Variants in KIAA0513 observed in about 807,000 individuals in gnomAD.
The protein encoded by KIAA0513 is KIAA0513, also known as uncharacterized protein KIAA0513.
Under a neutral mutation model 56.5 loss-of-function variants are expected in KIAA0513, and 39 were observed. That is an observed-to-expected ratio of 0.69 (90% confidence interval 0.53 to 0.90). KIAA0513 has a LOEUF of 0.90. Among genes scored for constraint, KIAA0513 ranks in the 40% least tolerant of loss-of-function variants. The pLI is 0.00. For synonymous variants in KIAA0513, 268 were observed against 215.6 expected, an observed-to-expected ratio of 1.24 and a Z score of -2.13; for missense variants, 591 against 535.2, an observed-to-expected ratio of 1.10 and a Z score of -1.03.
intron 1 of KIAA0513, among the ~76,000 whole-genome samples, chr16:85,042,065 T>C (rs2073110564): frequency 6.6e-6 from 1 of 152,194 alleles, no homozygotes; most frequent in Non-Finnish European, 1.5e-5. Context: ...AAGTCTAGAA[T>C]TAATTAGTGC....
At chr16:85,060,951 C>G (rs147154565) in intron 1 of KIAA0513, among the ~76,000 whole-genome samples, 2,538 of 151,760 alleles carry the variant, frequency 0.017, 33 homozygotes, top group Non-Finnish European at 0.027. Flanking sequence ...GTCAGGAGTT[C>G]GAGACCAACC....
chr16:85,043,492 A>G (rs947530776), intron 1 of KIAA0513, among the ~76,000 whole-genome samples: 12 of 146,290 alleles, frequency 8.2e-5, no homozygotes, highest in African/African-American at 3.1e-4. Flanking sequence ...GCTCACTGCA[A>G]CCTCTGCCTC....
chr16:85,053,051 C>T (rs1021293930), intron 1 of KIAA0513, among the ~76,000 whole-genome samples: 2 of 152,082 alleles, frequency 1.3e-5, no homozygotes, highest in South Asian at 2.1e-4. Flanking sequence ...CCACACCCAG[C>T]GAATTTTTGT....
intron 1 of KIAA0513, among the ~76,000 whole-genome samples, chr16:85,046,170 G>A (rs72803571): frequency 0.033 from 5,032 of 152,276 alleles, 111 homozygotes; most frequent in Non-Finnish European, 0.052. Context: ...TCAACTCTTT[G>A]GGGCTGTCTC....
At chr16:85,055,585 G>T (rs777807492) in intron 1 of KIAA0513, among the ~76,000 whole-genome samples, 1 of 152,140 alleles carries the variant, frequency 6.6e-6, no homozygotes, top group Admixed American at 6.6e-5. Flanking sequence ...TCTGGCACCA[G>T]CTCTTGACCT....
rs375519850 is a variant in KIAA0513 at position 85,081,272 on chromosome 16, C to A, written c.903-43C>A. On this transcript the variant is annotated intron_variant, in intron 8 of 12. Transcript: ENST00000683363. The surrounding 1 kb of genome is among the most constrained non-coding windows in gnomAD (Gnocchi z 4.4). ...AGGGGCCCACAACCCGTGTCCTCCC[C>A]GCCTCCCCTTGGAGAGAGTGTGACT... 1.3e-6 allele frequency: 2 copies of A among 1,588,726 alleles called. No individual in the cohort carries two copies. The highest frequency in any genetic ancestry group is 4.5e-5 in the East Asian group (2 of 44,754).
In KIAA0513 at chr16:85,039,775, A is replaced by G. The variant is rs185988625; in HGVS notation, c.-173+11917A>G. ...GGTGTGAGCCACCACTGCTGGCATG[A>G]TTACTCTTTATTGGGTTTGGTTTTT... On this transcript the variant is annotated intron_variant, in intron 1 of 12. Transcript: ENST00000683363. Among the ~76,000 whole-genome samples, 531 of 151,754 alleles carry G rather than the reference A, an allele frequency of 3.5e-3. 2 individuals are homozygous for G. The highest frequency in any genetic ancestry group is 0.012 in the African/African-American group (506 of 41,376).
intron 1 of KIAA0513, among the ~76,000 whole-genome samples, chr16:85,059,664 G>T (rs72658738): frequency 0.084 from 12,811 of 152,188 alleles, 1,741 homozygotes; most frequent in African/African-American, 0.28. Context: ...GAATGAAATG[G>T]TTTTGTGTAG....
intron 1 of KIAA0513, among the ~76,000 whole-genome samples, chr16:85,047,098 C>A (rs947778514): frequency 6.6e-6 from 1 of 152,198 alleles, no homozygotes; most frequent in South Asian, 2.1e-4. Context: ...GCAGGCACTC[C>A]ACCAGCTTGG....
intron 1 of KIAA0513, among the ~76,000 whole-genome samples, chr16:85,042,443 C>A (rs926610778): frequency 6.6e-6 from 1 of 152,164 alleles, no homozygotes; most frequent in Admixed American, 6.5e-5. Flanking sequence ...GGGCAGGGTC[C>A]TTGTCCATAC....
At chr16:85,058,139 C>A (rs1029301912) in intron 1 of KIAA0513, among the ~76,000 whole-genome samples, 4 of 152,164 alleles carry the variant, frequency 2.6e-5, no homozygotes, top group Non-Finnish European at 4.4e-5. Flanking sequence ...AGGCCCTCTT[C>A]AGAGAATTCA....
chr16:85,055,028 TC>T (rs2073308853), intron 1 of KIAA0513, among the ~76,000 whole-genome samples: 1 of 151,918 alleles, frequency 6.6e-6, no homozygotes, highest in South Asian at 2.1e-4. Flanking sequence ...ACTCAAGCAG[TC>T]CTCCCACCTC....
chr16:85,059,229 CAAGCTAGT>C (rs2073370262), intron 1 of KIAA0513, among the ~76,000 whole-genome samples: 1 of 144,484 alleles, frequency 6.9e-6, no homozygotes, highest in Admixed American at 6.6e-5. Flanking sequence ...TGAACTGCTT[CAAGCTAGT>C]AATGTGCGTC....
chr16:85,049,041 C>T (rs1382345786), intron 1 of KIAA0513, among the ~76,000 whole-genome samples: 9 of 152,228 alleles, frequency 5.9e-5, no homozygotes, highest in South Asian at 4.1e-4. Flanking sequence ...GACACCAACA[C>T]CGAGTGCTTC....
chr16:85,051,783 C>T (rs935164566), intron 1 of KIAA0513, among the ~76,000 whole-genome samples: 5 of 150,572 alleles, frequency 3.3e-5, no homozygotes, highest in African/African-American at 4.9e-5. Flanking sequence ...TTTGGATGCT[C>T]TCCAGGTTCT....
At position 85,056,819 on chromosome 16, in the gene KIAA0513, C is replaced by A. The variant is rs192457523; in HGVS notation, c.-172-10081C>A. Among the ~76,000 whole-genome samples, 4 of 152,282 alleles carry A rather than the reference C, an allele frequency of 2.6e-5. No homozygotes were observed. In the East Asian group the frequency reaches 7.7e-4, roughly 29 times the overall value. ...GGGTCAAGGAATCCTCATGCCTCAG[C>A]CTCCCAGACAGCTGGGTACTATAGG... On this transcript the variant is annotated intron_variant, in intron 1 of 12. Transcript: ENST00000683363.
chr16:85,028,591 G>C (rs1174972126), intron 1 of KIAA0513, among the ~76,000 whole-genome samples: 1 of 152,160 alleles, frequency 6.6e-6, no homozygotes, highest in Non-Finnish European at 1.5e-5. Context: ...GGACAGAATT[G>C]AGTGTTCTGG....
intron 12 of KIAA0513, 52 bp from the exon 13 acceptor site, chr16:85,088,224 C>G: frequency 6.5e-7 from 1 of 1,548,586 alleles, no homozygotes; most frequent in Non-Finnish European, 8.9e-7. Context: ...CAGGATATAC[C>G]TGTCCCTGTC....
At chr16:85,085,725 A>G (rs1420131554) in intron 10 of KIAA0513, among the ~76,000 whole-genome samples, 3 of 152,214 alleles carry the variant, frequency 2.0e-5, no homozygotes, top group Non-Finnish European at 2.9e-5. Flanking sequence ...TGCCCTGGAC[A>G]GGTGAGGGAT....
Sources: gnomAD v4.1 joint callset for allele counts (sites outside exome capture counted in the v4.1 genomes callset) on GRCh38, gnomAD v4.1.1 for gene constraint, Gnocchi (gnomAD v3.1) non-coding constraint, MANE v1.5 for transcripts, NCBI Gene and HGNC (gene_info 2026-07-23, HGNC 2026-07-21) for gene names.